The following SIRT1 variants were observed in gnomAD, a reference collection of about 807,000 sequenced individuals.
SIRT1 encodes sirtuin 1, also known as NAD-dependent protein deacetylase sirtuin-1.
In SIRT1, 24 loss-of-function variants were observed where a neutral mutation model predicts 67.9. The ratio of observed to expected loss-of-function variants is 0.35; its 90% CI spans 0.26 to 0.50. The LOEUF is 0.50. Among genes scored for constraint, SIRT1 ranks in the 20% least tolerant of loss-of-function variants. The pLI is 0.98. For missense variants in SIRT1, 873 were observed against 937.2 expected (o/e 0.93, Z 0.89); for synonymous variants, 378 against 350.7 (o/e 1.08, Z -0.87).
chr10:67,904,511 A>G (rs1842791923), intron 4 of SIRT1, among the ~76,000 whole-genome samples: 1 of 152,182 alleles, frequency 6.6e-6, no homozygotes, highest in Non-Finnish European at 1.5e-5. Flanking sequence ...GACAGAAAGT[A>G]TGAGTCAAAG....
rs769982076 is a variant in SIRT1, at chr10:67,887,427, G to T, written c.441G>T (p.Leu147=). 2.2e-5 allele frequency: 35 copies of T among 1,612,088 alleles called. 1 individual carries two copies. The South Asian group carries it at 2.2e-4, about 10-fold the overall frequency. Residue 147 remains leucine (L), a synonymous_variant, in exon 2 of 9, where the codon CTG becomes CTT. Transcript: ENST00000212015. ...TGGTTTCTTTTGCAGATAACCTTCT[G>T]TTCGGTGATGAAATTATCACTAATG... ...AAAIGYRDNL[L]FGDEIITNGF...
chr10:67,899,399 CAT>C (rs1215523857), intron 4 of SIRT1, among the ~76,000 whole-genome samples: 1 of 151,694 alleles, frequency 6.6e-6, no homozygotes, highest in Non-Finnish European at 1.5e-5. Flanking sequence ...TTTCAAAAAT[CAT>C]ATATCTATAT....
intron 3 of SIRT1, 97 bp from the exon 4 acceptor site, chr10:67,891,305 C>A (rs778910870): frequency 1.0e-4 from 112 of 1,068,162 alleles, no homozygotes; most frequent in Admixed American, 2.5e-4. Flanking sequence ...CTAAAATTTT[C>A]TTTCTCAACT....
intron 4 of SIRT1, among the ~76,000 whole-genome samples, chr10:67,894,722 A>G (rs894969315): frequency 6.6e-6 from 1 of 151,982 alleles, no homozygotes; most frequent in Admixed American, 6.6e-5. Flanking sequence ...TATTATTATT[A>G]TTTTTTGAGA....
rs766908589 is a variant in SIRT1 at position 67,916,546 on chromosome 10, G to A, written c.2197G>A (p.Val733Met). The change falls in exon 9 of 9, where the codon GTG becomes ATG. Residue 733 changes from valine (V) to methionine (M), a missense_variant. Coordinates refer to ENST00000212015, the MANE Select transcript of SIRT1 (RefSeq NM_012238.5). ...AGAGGCAATTAATGAAGCTATATCTGTGAAACAGGAAGTAACAGACATGAA... is the reference window on the plus strand; with the variant it reads ...AGAGGCAATTAATGAAGCTATATCTATGAAACAGGAAGTAACAGACATGAA... ...DQEAINEAIS[V>M]KQEVTDMNYP... 3 of 1,613,884 alleles carry A rather than the reference G, an allele frequency of 1.9e-6. No individual in the cohort carries two copies. Among genetic ancestry groups the A allele is most frequent in the South Asian group, 2.2e-5 (2 of 91,070 alleles).
chr10:67,885,194 C>A, intron 1 of SIRT1, 43 bp downstream of exon 1: 1 of 1,303,280 alleles, frequency 7.7e-7, no homozygotes. Flanking sequence ...TCTCCTCCTC[C>A]CTCTCCCCGG....
chr10:67,898,739 G>A (rs1403142400), intron 4 of SIRT1, among the ~76,000 whole-genome samples: 1 of 152,132 alleles, frequency 6.6e-6, no homozygotes, highest in African/African-American at 2.4e-5. Flanking sequence ...AGGAGGGTAA[G>A]GTGGGAGGAT....
At chr10:67,907,086 CAA>C in intron 5 of SIRT1, 149 bp downstream of exon 5, 1 of 695,426 alleles carries the variant, frequency 1.4e-6, no homozygotes, top group Non-Finnish European at 2.2e-6. Context: ...AAGTAGAAAA[CAA>C]AAATAATAAA....
rs200415719 is a variant in SIRT1 at position 67,912,673 on chromosome 10, A to T, written c.1557A>T (p.Lys519Asn). ...EITEKPPRTQ[K>N]ELAYLSELPP... Reference sequence around the variant, plus strand: ...CTGAAAAACCTCCACGAACACAAAAAGAATTGGCTTATTTGTCAGAGTTGC... The same window carrying T: ...CTGAAAAACCTCCACGAACACAAAATGAATTGGCTTATTTGTCAGAGTTGC... Residue 519 changes from lysine (K) to asparagine (N), a missense_variant, in exon 8 of 9, where the codon AAA (lysine) becomes AAT (asparagine). Lys to Asn is a moderately conservative substitution (Grantham distance 94). Transcript: ENST00000212015. The T allele has an allele frequency of 6.2e-7, 1 of 1,614,184 alleles. No homozygotes were observed. The highest frequency in any genetic ancestry group is 2.2e-5 in the East Asian group (1 of 44,870).
At chr10:67,911,777 ACCCTCCCTCCCTCCCTCCTATCCT>A (rs1337254789) in intron 7 of SIRT1, among the ~76,000 whole-genome samples, 2 of 66,166 alleles carry the variant, frequency 3.0e-5, no homozygotes, top group East Asian at 1.0e-3. Context: ...CCTTCCTCCC[ACCCTCCCTCCCTCCCTCCTATCCT>A]CCCTCCCTCC....
chr10:67,897,590 T>C (rs564124438), intron 4 of SIRT1, among the ~76,000 whole-genome samples: 1 of 152,034 alleles, frequency 6.6e-6, no homozygotes, highest in Admixed American at 6.6e-5. Context: ...TCTCGAACTC[T>C]TGACCTTGTG....
At position 67,912,628 on chromosome 10, in the gene SIRT1, T is replaced by C. The variant is rs201214173; in HGVS notation, c.1512T>C (p.Pro504=). The change falls in exon 8 of 9, where the codon CCT becomes CCC. Residue 504 remains proline (P), a synonymous_variant. Coordinates refer to ENST00000212015, the MANE Select transcript of SIRT1 (RefSeq NM_012238.5). The part of the protein sequence containing the change: ...GGEYAKLCCN[P]VKLSEITEKP... ...AATATGCCAAACTTTGCTGTAACCC[T>C]GTAAAGCTTTCAGAAATTACTGAAA... 2.5e-6 allele frequency: 4 copies of C among 1,614,170 alleles called. No homozygotes were observed. In the South Asian group the frequency reaches 4.4e-5, roughly 18 times the overall value.
At chr10:67,898,552 G>C (rs1589075328) in intron 4 of SIRT1, among the ~76,000 whole-genome samples, 1 of 152,276 alleles carries the variant, frequency 6.6e-6, no homozygotes, top group Middle Eastern at 3.4e-3. Context: ...TCAGTAAAAA[G>C]AAAATAGATG....
Position 67,888,311 on chromosome 10 carries a change from T to G in SIRT1, c.548-571T>G, listed in dbSNP as rs1842518191. Among the ~76,000 whole-genome samples the G allele has an allele frequency of 2.6e-5, 4 of 152,174 alleles. No individual in the cohort carries two copies. The South Asian group carries it at 8.3e-4, about 31-fold the overall frequency. On this transcript the variant is annotated intron_variant, in intron 2 of 8. Coordinates refer to ENST00000212015, the MANE Select transcript of SIRT1 (RefSeq NM_012238.5). ...TCTTTGGTGTCTGTAATTTATTTATTTATTTATTTTTGTTTTCTCAAGCCT... is the reference window on the plus strand; with the variant it reads ...TCTTTGGTGTCTGTAATTTATTTATGTATTTATTTTTGTTTTCTCAAGCCT...
At chr10:67,885,235 G>T in intron 1 of SIRT1, 84 bp downstream of exon 1, 5 of 1,258,926 alleles carry the variant, frequency 4.0e-6, no homozygotes, top group Non-Finnish European at 5.0e-6. Context: ...GAGGGCGGCT[G>T]GGGGCTCGGG....
In SIRT1 at chr10:67,885,011, C is replaced by A. The variant is rs550317521; in HGVS notation, c.290C>A (p.Ala97Glu). Reference protein sequence around the residue: ...GGEQEAQATAAAGEGDNGPGL... With the variant: ...GGEQEAQATAEAGEGDNGPGL... ...GAGCAAGAGGCCCAGGCGACTGCGG[C>A]GGCTGGGGAAGGAGACAATGGGCCG... The change falls in exon 1 of 9, where the codon GCG becomes GAG. Residue 97 changes from alanine (A) to glutamate (E), a missense_variant. By Grantham distance (107) the Ala-to-Glu change is moderately radical. Transcript: ENST00000212015. 284 of 1,315,368 alleles carry A rather than the reference C, an allele frequency of 2.2e-4. 1 individual carries two copies. The highest frequency in any genetic ancestry group is 1.4e-3 in the Middle Eastern group (7 of 5,006). The allele number at this position is 1,315,368 out of a possible 1,614,324, so 81.5% of individuals were successfully genotyped here. A position where few individuals can be genotyped will look rare whatever the true frequency, so the allele number is the denominator to read the frequency against.
At chr10:67,901,051 G>A (rs2131869739) in intron 4 of SIRT1, among the ~76,000 whole-genome samples, 1 of 152,282 alleles carries the variant, frequency 6.6e-6, no homozygotes, top group South Asian at 2.1e-4. Context: ...TTCGTAATAT[G>A]TAATAGAAAT....
intron 4 of SIRT1, among the ~76,000 whole-genome samples, chr10:67,905,106 A>G (rs948809290): frequency 6.6e-6 from 1 of 152,118 alleles, no homozygotes; most frequent in African/African-American, 2.4e-5. Flanking sequence ...TTGGCATGCT[A>G]TTATCACTTG....
intron 4 of SIRT1, among the ~76,000 whole-genome samples, chr10:67,903,609 G>C (rs1446337548): frequency 2.0e-5 from 3 of 151,936 alleles, no homozygotes; most frequent in Admixed American, 1.3e-4. Context: ...GGATGGTCTC[G>C]ATCTTCTGAC....
Sources: allele counts gnomAD v4.1 joint callset (sites outside exome capture counted in the v4.1 genomes callset), GRCh38; gene constraint gnomAD v4.1.1; transcripts MANE v1.5; gene names NCBI Gene and HGNC (gene_info 2026-07-23, HGNC 2026-07-21).